STIL: variants seen among roughly 807,000 people sequenced by gnomAD.
STIL encodes STIL centriolar assembly protein.
In STIL, 55 loss-of-function variants were observed where a neutral mutation model predicts 110.1. The observed-to-expected ratio is 0.50, with a 90% CI of 0.40 to 0.63. The LOEUF is 0.63. Among genes scored for constraint, STIL ranks in the 20% least tolerant of loss-of-function variants. The pLI, the probability that STIL is intolerant of heterozygous loss-of-function variation, is 0.00. For missense variants in STIL, 1,358 were observed against 1,530.0 expected (o/e 0.89, Z 1.87); for synonymous variants, 481 against 530.0 (o/e 0.91, Z 1.27).
intron 13 of STIL, 151 bp from the exon 14 acceptor site, chr1:47,270,017 A>C: frequency 1.4e-6 from 1 of 737,776 alleles, no homozygotes; most frequent in Non-Finnish European, 2.4e-6. Flanking sequence ...CGGGAGGATC[A>C]CTTGAGCTCA....
intron 16 of STIL, among the ~76,000 whole-genome samples, chr1:47,258,622 A>G (rs1191969456): frequency 6.6e-6 from 1 of 152,192 alleles, no homozygotes; most frequent in Admixed American, 6.5e-5. Flanking sequence ...TAATCCTAGC[A>G]CTTTGGGAGG....
At chr1:47,263,249 A>T in intron 14 of STIL, 133 bp from the exon 15 acceptor site, 1 of 818,484 alleles carries the variant, frequency 1.2e-6, no homozygotes. Context: ...ATGATGCTAC[A>T]TAAACACCCC....
intron 9 of STIL, 59 bp from the exon 10 acceptor site, chr1:47,287,719 T>C (rs1645346167): frequency 1.3e-5 from 17 of 1,331,532 alleles, no homozygotes; most frequent in Non-Finnish European, 1.6e-5. Flanking sequence ...CAGAGAATTC[T>C]ATTTAGATGA....
At chr1:47,305,070 A>G in intron 2 of STIL, 74 bp from the exon 3 acceptor site, 1 of 989,854 alleles carries the variant, frequency 1.0e-6, no homozygotes, top group Non-Finnish European at 1.6e-6. Context: ...GAAACAACTA[A>G]CTATCTTTAA....
Position 47,299,878 on chromosome 1 carries a change from AT to A in STIL, c.701+26del. On this transcript the variant is annotated intron_variant, in intron 6 of 16. Transcript: ENST00000371877. ...CTGAAAATATACTAATGCAACTAAC[AT>A]TTAGATTAATGTATCTTTTACTTAC... is the stretch of plus-strand genomic sequence containing the variant. The A allele has an allele frequency of 1.9e-6, 3 of 1,603,390 alleles. No homozygotes were observed. The South Asian group carries it at 3.3e-5, about 18-fold the overall frequency.
At chr1:47,293,401 A>C in intron 8 of STIL, 57 bp downstream of exon 8, 1 of 1,427,842 alleles carries the variant, frequency 7.0e-7, no homozygotes, top group African/African-American at 1.4e-5. Context: ...TGGGACCATA[A>C]ACTATGAATG....
At chr1:47,252,033 G>C in intron 16 of STIL, 111 bp from the exon 17 acceptor site, 2 of 1,134,552 alleles carry the variant, frequency 1.8e-6, no homozygotes, top group Non-Finnish European at 2.5e-6. Flanking sequence ...TTAAGTTCAT[G>C]GTCCTTTTAT....
intron 1 of STIL, chr1:47,312,973 T>A (rs1646178425): frequency 6.6e-6 from 1 of 152,226 alleles, no homozygotes; most frequent in Non-Finnish European, 1.5e-5. Flanking sequence ...GTCCCCATAA[T>A]GCTGCTAGAA....
At chr1:47,298,745 T>TG (rs1382797666) in intron 6 of STIL, among the ~76,000 whole-genome samples, 1 of 152,122 alleles carries the variant, frequency 6.6e-6, no homozygotes, top group Non-Finnish European at 1.5e-5. Flanking sequence ...TGTTTTTTTT[T>TG]GTTTTTTGGT....
At chr1:47,283,075 T>C (rs1002343498) in intron 10 of STIL, 2 of 152,518 alleles carry the variant, frequency 1.3e-5, no homozygotes, top group Non-Finnish European at 2.9e-5. Flanking sequence ...TGCATCAGGC[T>C]TTTTTACATC....
chr1:47,309,215 T>C (rs375961127), intron 2 of STIL, among the ~76,000 whole-genome samples: 1 of 152,054 alleles, frequency 6.6e-6, no homozygotes, highest in Non-Finnish European at 1.5e-5. Context: ...ACATACACCA[T>C]GTACCCACAA....
chr1:47,281,345 G>T, intron 11 of STIL, 136 bp from the exon 12 acceptor site: 1 of 982,496 alleles, frequency 1.0e-6, no homozygotes, highest in Non-Finnish European at 1.4e-6. Context: ...TAGACCATCA[G>T]TTAATTTTTT....
chr1:47,262,659 T>A (rs1165304044), intron 15 of STIL, among the ~76,000 whole-genome samples: 1 of 152,228 alleles, frequency 6.6e-6, no homozygotes, highest in Admixed American at 6.5e-5. Context: ...GAATTAGGCA[T>A]AATATCAATA....
At chr1:47,313,972 C>G (rs927184926) in intron 1 of STIL, 64 bp downstream of exon 1, 6 of 152,402 alleles carry the variant, frequency 3.9e-5, no homozygotes, top group Non-Finnish European at 7.3e-5. Context: ...TGTTACCCAC[C>G]AACCTTCCCA....
chr1:47,287,082 G>T (rs1024830532), intron 10 of STIL, among the ~76,000 whole-genome samples: 40 of 152,052 alleles, frequency 2.6e-4, no homozygotes, highest in African/African-American at 7.7e-4. Flanking sequence ...ATAAGGAAGG[G>T]TTGGGGACGA....
At chr1:47,312,397 G>A (rs576073012) in intron 1 of STIL, among the ~76,000 whole-genome samples, 8 of 152,056 alleles carry the variant, frequency 5.3e-5, no homozygotes, top group East Asian at 1.9e-4. Flanking sequence ...AGCTTGCAGC[G>A]AGTGGAGATT....
At chr1:47,291,969 A>G (rs1035247986) in intron 8 of STIL, among the ~76,000 whole-genome samples, 1 of 151,366 alleles carries the variant, frequency 6.6e-6, no homozygotes, top group Non-Finnish European at 1.5e-5. Context: ...CGATCTTCCC[A>G]TATCAGTCTC....
intron 3 of STIL, among the ~76,000 whole-genome samples, chr1:47,304,309 G>A (rs1645890027): frequency 6.6e-6 from 1 of 151,572 alleles, no homozygotes; most frequent in South Asian, 2.1e-4. Flanking sequence ...GTGAGCCACT[G>A]CACCCAGCCC....
chr1:47,273,872 G>A (rs558450963), intron 12 of STIL, among the ~76,000 whole-genome samples: 2 of 152,202 alleles, frequency 1.3e-5, no homozygotes, highest in South Asian at 2.1e-4. Flanking sequence ...TATAAACTGC[G>A]CTAATAGTAT....
Sources: gnomAD v4.1 joint callset for allele counts (sites outside exome capture counted in the v4.1 genomes callset) on GRCh38, gnomAD v4.1.1 for gene constraint, MANE v1.5 for transcripts, NCBI Gene and HGNC (gene_info 2026-07-23, HGNC 2026-07-21) for gene names.